The following PCDHGB7 variants were observed in gnomAD, a reference collection of about 807,000 sequenced individuals.
PCDHGB7 encodes protocadherin gamma-B7.
Under a neutral mutation model 61.4 loss-of-function variants are expected in PCDHGB7, and 37 were observed. That is an observed-to-expected ratio of 0.60 (90% confidence interval 0.46 to 0.79). The LOEUF (loss-of-function observed/expected upper bound fraction) is 0.79, where lower values mean the gene tolerates loss of function less well. Ranked by LOEUF, PCDHGB7 falls within the 30% of genes least tolerant of loss-of-function variation. PCDHGB7 has a pLI of 0.00. For missense variants in PCDHGB7, 1,166 were observed against 1,202.5 expected (o/e 0.97, Z 0.45); for synonymous variants, 464 against 503.5 (o/e 0.92, Z 1.05).
chr5:141,430,881 A>G, intron 1 of PCDHGB7: 4 of 1,600,896 alleles, frequency 2.5e-6, no homozygotes, highest in Non-Finnish European at 3.4e-6. Flanking sequence ...GAGCTGGAGA[A>G]AGGCTCTAGG....
chr5:141,477,042 G>A lies in PCDHGB7; in HGVS notation c.2416-17765G>A. ...ACCGGGATGCTGACAATCAAGGGTC[G>A]GCTGGACTTCGAGGACACCAAACTC... On this transcript the variant is annotated intron_variant, in intron 1 of 3. Transcript: ENST00000398594. This position sits in a 1 kb window ranked among gnomAD's most constrained non-coding sequence, Gnocchi z 4.9. 1 of 1,614,238 alleles carries A rather than the reference G, an allele frequency of 6.2e-7. No homozygotes were observed. Among genetic ancestry groups the A allele is most frequent in the Non-Finnish European group, 8.5e-7 (1 of 1,180,040 alleles).
At chr5:141,429,091 T>A (rs985605582) in intron 1 of PCDHGB7, 2 of 152,160 alleles carry the variant, frequency 1.3e-5, no homozygotes, top group African/African-American at 4.8e-5. Flanking sequence ...CCTGACCTCG[T>A]GATCTGCCCG....
intron 1 of PCDHGB7, chr5:141,421,414 C>A (rs2096570568): frequency 1.9e-6 from 3 of 1,614,066 alleles, no homozygotes; most frequent in South Asian, 2.2e-5. Flanking sequence ...GCTGGCGAAG[C>A]GCGGAGTCCG....
Position 141,506,991 on chromosome 5 carries a change from C to T in PCDHGB7, c.2563+1510C>T, listed in dbSNP as rs190455068. 3 of 152,366 alleles carry T rather than the reference C, an allele frequency of 2.0e-5. No homozygotes were observed. In the East Asian group the frequency reaches 5.8e-4, roughly 29 times the overall value. The allele number at this position is 152,366 out of a possible 1,614,324, so 9.4% of individuals were successfully genotyped here. A position where few individuals can be genotyped will look rare whatever the true frequency, so the allele number is the denominator to read the frequency against. The stretch of plus-strand genomic sequence containing the variant: ...TGCAAGGCAGGTCTGATTTCTCACA[C>T]TCGACAGATGAGAGAACCGAGAAGG... On this transcript the variant is annotated intron_variant, in intron 3 of 3. Coordinates refer to ENST00000398594, the MANE Select transcript of PCDHGB7 (RefSeq NM_018927.4).
intron 1 of PCDHGB7, chr5:141,427,019 CAA>C (rs1369360584): frequency 8.8e-6 from 4 of 456,798 alleles, no homozygotes; most frequent in Admixed American, 2.3e-5. Flanking sequence ...AGGATGTATA[CAA>C]AGTCAGCCTT....
intron 1 of PCDHGB7, among the ~76,000 whole-genome samples, chr5:141,472,402 G>A (rs569497172): frequency 8.5e-5 from 13 of 152,160 alleles, no homozygotes; most frequent in South Asian, 2.1e-4. Context: ...TTAGCCAGGC[G>A]TGGTGGCACG....
Position 141,431,756 on chromosome 5 carries a change from G to T in PCDHGB7, c.2415+11482G>T. The T allele has an allele frequency of 6.2e-7, 1 of 1,614,236 alleles. No individual in the cohort carries two copies. Among genetic ancestry groups the T allele is most frequent in the South Asian group, 1.1e-5 (1 of 91,088 alleles). On this transcript the variant is annotated intron_variant, in intron 1 of 3. Transcript: ENST00000398594. This position sits in a 1 kb window ranked among gnomAD's most constrained non-coding sequence, Gnocchi z 4.8. Reference sequence around the variant, plus strand: ...TGCAGGATATTCTGCGCGAGCCAAAGTCCTGATCACTGTTCTGGACGTGAA... The same window carrying T: ...TGCAGGATATTCTGCGCGAGCCAAATTCCTGATCACTGTTCTGGACGTGAA...
At chr5:141,471,021 A>C (rs1399168691) in intron 1 of PCDHGB7, among the ~76,000 whole-genome samples, 1 of 136,940 alleles carries the variant, frequency 7.3e-6, no homozygotes, top group African/African-American at 2.7e-5. Flanking sequence ...CTGGTCAATC[A>C]TTTTTATTAA....
rs374181150 is a variant in PCDHGB7, at chr5:141,477,134, G to C, written c.2416-17673G>C. The C allele has an allele frequency of 2.5e-5, 41 of 1,614,092 alleles. No homozygotes were observed. Among genetic ancestry groups the C allele is most frequent in the Non-Finnish European group, 3.4e-5 (40 of 1,180,056 alleles). ...CGAAGGAGCACATTGCAAAGTGTTG[G>C]TGGAGGTTGTGGATGTGAATGACAA... is the stretch of plus-strand genomic sequence containing the variant. On this transcript the variant is annotated intron_variant, in intron 1 of 3. Coordinates refer to ENST00000398594, the MANE Select transcript of PCDHGB7 (RefSeq NM_018927.4). The surrounding 1 kb of genome is among the most constrained non-coding windows in gnomAD (Gnocchi z 4.9).
intron 1 of PCDHGB7, among the ~76,000 whole-genome samples, chr5:141,450,467 T>G (rs997813636): frequency 1.3e-5 from 2 of 151,944 alleles, no homozygotes; most frequent in African/African-American, 2.4e-5. Flanking sequence ...ATTTTATATA[T>G]AGAGTTTGTT....
At chr5:141,502,782 T>C (rs1200280465) in intron 2 of PCDHGB7, among the ~76,000 whole-genome samples, 1 of 152,132 alleles carries the variant, frequency 6.6e-6, no homozygotes, top group African/African-American at 2.4e-5. Context: ...GAAAATTACC[T>C]GGATGATTTC....
In PCDHGB7 at chr5:141,419,975, G is replaced by A. The variant is rs372316838; in HGVS notation, c.2116G>A (p.Ala706Thr). ...CTTGATTTCTGTGCTCTTTCTCCTC[G>A]CGGTGATTCTAGCTATTGCTCTACG... ...LALISVLFLL[A>T]VILAIALRLR... The change falls in exon 1 of 4, where the codon GCG (alanine) becomes ACG (threonine). Residue 706 changes from alanine (A) to threonine (T), a missense_variant. Physicochemically the swap from Ala to Thr is moderately conservative, Grantham distance 58. Coordinates refer to ENST00000398594, the MANE Select transcript of PCDHGB7 (RefSeq NM_018927.4). 273 of 1,613,928 alleles carry A rather than the reference G, an allele frequency of 1.7e-4. No homozygotes were observed. The highest frequency in any genetic ancestry group is 2.2e-4 in the Non-Finnish European group (261 of 1,179,916).
Position 141,418,478 on chromosome 5 carries a change from G to T in PCDHGB7, c.619G>T (p.Ala207Ser), listed in dbSNP as rs777772131. 1 of 1,613,858 alleles carries T rather than the reference G, an allele frequency of 6.2e-7. No individual in the cohort carries two copies. Among genetic ancestry groups the T allele is most frequent in the Non-Finnish European group, 8.5e-7 (1 of 1,179,908 alleles). Residue 207 changes from alanine to serine, a missense_variant, in exon 1 of 4, where the codon GCT (alanine) becomes TCT (serine). Coordinates refer to ENST00000398594, the MANE Select transcript of PCDHGB7 (RefSeq NM_018927.4). ...GACTCTGGACCGAGAAACGCAGAGCGCTCACCACTTGGTACTGACCGCCTT... is the reference window on the plus strand; with the variant it reads ...GACTCTGGACCGAGAAACGCAGAGCTCTCACCACTTGGTACTGACCGCCTT... ...QKTLDRETQS[A>S]HHLVLTALDG...
At chr5:141,495,193 T>G (rs1471524188) in intron 2 of PCDHGB7, among the ~76,000 whole-genome samples, 2 of 152,192 alleles carry the variant, frequency 1.3e-5, no homozygotes, top group Non-Finnish European at 2.9e-5. Flanking sequence ...TCTATGCCCA[T>G]GTACTGCCTA....
At chr5:141,483,501 G>C (rs1022338958) in intron 1 of PCDHGB7, among the ~76,000 whole-genome samples, 2 of 150,394 alleles carry the variant, frequency 1.3e-5, no homozygotes, top group African/African-American at 4.9e-5. Context: ...ATGAGTCAAG[G>C]CTGATCCCCC....
In PCDHGB7 at chr5:141,490,000, A is replaced by G. The variant is rs762999106; in HGVS notation, c.2416-4807A>G. The G allele has an allele frequency of 6.2e-7, 1 of 1,614,198 alleles. No individual in the cohort carries two copies. Among genetic ancestry groups the G allele is most frequent in the Admixed American group, 1.7e-5 (1 of 60,032 alleles). ...AGTTCTACGTGTGGGAATCCCAGAG[A>G]ATGCACCCATTGGTACTCTGCTGCT... On this transcript the variant is annotated intron_variant, in intron 1 of 3. Coordinates refer to ENST00000398594, the MANE Select transcript of PCDHGB7 (RefSeq NM_018927.4). The surrounding 1 kb of genome is among the most constrained non-coding windows in gnomAD (Gnocchi z 4.5).
At chr5:141,488,872 T>C (rs773185475) in intron 1 of PCDHGB7, among the ~76,000 whole-genome samples, 4 of 151,794 alleles carry the variant, frequency 2.6e-5, no homozygotes, top group Non-Finnish European at 5.9e-5. Flanking sequence ...AGTGGGGAGG[T>C]AGGAAGCTTC....
intron 1 of PCDHGB7, among the ~76,000 whole-genome samples, chr5:141,492,685 C>T (rs919981996): frequency 1.3e-5 from 2 of 152,242 alleles, no homozygotes; most frequent in African/African-American, 2.4e-5. Context: ...CAAGGGTCGG[C>T]GACCCCTCAA....
chr5:141,495,977 T>C (rs2099765025), intron 2 of PCDHGB7, among the ~76,000 whole-genome samples: 1 of 152,174 alleles, frequency 6.6e-6, no homozygotes, highest in Admixed American at 6.5e-5. Flanking sequence ...TCTGTTACTC[T>C]TTCTTTATCT....
Sources: allele counts gnomAD v4.1 joint callset (sites outside exome capture counted in the v4.1 genomes callset), GRCh38; gene constraint gnomAD v4.1.1; non-coding constraint Gnocchi (gnomAD v3.1); transcripts MANE v1.5; gene names NCBI Gene and HGNC (gene_info 2026-07-23, HGNC 2026-07-21).